THSD7A: variants seen among roughly 807,000 people sequenced by gnomAD.
The protein encoded by THSD7A is thrombospondin type 1 domain containing 7A, also known as thrombospondin type-1 domain-containing protein 7A.
A neutral mutation model predicts 231.3 loss-of-function variants in THSD7A; 96 were observed. The ratio of observed to expected loss-of-function variants is 0.41; its 90% CI spans 0.35 to 0.49. The LOEUF (loss-of-function observed/expected upper bound fraction) is 0.49. Among genes scored for constraint, THSD7A ranks in the 20% least tolerant of loss-of-function variants. The pLI is 0.05. For missense variants in THSD7A, 2,290 were observed against 2,070.2 expected (o/e 1.11, Z -2.06); for synonymous variants, 940 against 743.3 (o/e 1.26, Z -4.30).
chr7:11,742,780 G>C (rs1178428520), intron 1 of THSD7A, among the ~76,000 whole-genome samples: 1 of 151,874 alleles, frequency 6.6e-6, no homozygotes, highest in Non-Finnish European at 1.5e-5. Context: ...AGATCAGACA[G>C]AGGAAGCCAT....
chr7:11,473,676 C>T (rs1174633781), intron 8 of THSD7A, among the ~76,000 whole-genome samples: 1 of 152,122 alleles, frequency 6.6e-6, no homozygotes, highest in Admixed American at 6.6e-5. Flanking sequence ...TCACAAGGCA[C>T]ATATAATATG....
chr7:11,529,042 G>C (rs2354951), intron 6 of THSD7A, among the ~76,000 whole-genome samples: 59,224 of 151,942 alleles, frequency 0.39, 11,934 homozygotes, highest in East Asian at 0.45. Context: ...AAACAGAAAA[G>C]TACGATTCTA....
intron 9 of THSD7A, 48 bp downstream of exon 9, chr7:11,469,831 C>G (rs2285743): frequency 3.0e-6 from 4 of 1,320,380 alleles, no homozygotes; most frequent in Non-Finnish European, 4.3e-6. Flanking sequence ...AGAAGTCTAC[C>G]GAGGAGGTTT....
rs180770633 is a variant in THSD7A, at chr7:11,443,661, A to G, written c.3064+2400T>C. ...ACAATAAAATTTATTTTTTAATAAAAAGGATCTGGAGATTGATTGCCCAAC... is the reference window on the plus strand; with the variant it reads ...ACAATAAAATTTATTTTTTAATAAAGAGGATCTGGAGATTGATTGCCCAAC... On this transcript the variant is annotated intron_variant, in intron 13 of 27. Transcript: ENST00000423059. Among the ~76,000 whole-genome samples the G allele has an allele frequency of 5.8e-3, 882 of 152,092 alleles. 6 individuals are homozygous for G. The highest frequency in any genetic ancestry group is 9.6e-3 in the Admixed American group (147 of 15,246).
intron 23 of THSD7A, among the ~76,000 whole-genome samples, chr7:11,398,121 G>A (rs6954956): frequency 6.6e-6 from 1 of 151,852 alleles, no homozygotes; most frequent in South Asian, 2.1e-4. Flanking sequence ...CAATAGCGAA[G>A]ACTTGGAACC....
chr7:11,533,619 C>T (rs886885331), intron 6 of THSD7A, among the ~76,000 whole-genome samples: 21 of 152,112 alleles, frequency 1.4e-4, no homozygotes, highest in Admixed American at 1.0e-3. Flanking sequence ...AAGCTATCAT[C>T]CTTGGCAAAT....
chr7:11,686,510 A>G (rs1780057064), intron 1 of THSD7A, among the ~76,000 whole-genome samples: 1 of 151,884 alleles, frequency 6.6e-6, no homozygotes, highest in Non-Finnish European at 1.5e-5. Context: ...CAACCTGCCA[A>G]TGGTCTTTAA....
chr7:11,755,677 A>T (rs1782650261), intron 1 of THSD7A, among the ~76,000 whole-genome samples: 3 of 152,102 alleles, frequency 2.0e-5, no homozygotes, highest in Admixed American at 1.3e-4. Context: ...GTTGAGCAGA[A>T]AGTCTTGGCT....
At chr7:11,511,274 A>G (rs1480316764) in intron 6 of THSD7A, among the ~76,000 whole-genome samples, 1 of 152,154 alleles carries the variant, frequency 6.6e-6, no homozygotes, top group Non-Finnish European at 1.5e-5. Context: ...CTGCTCAACG[A>G]AATAAAAGAG....
rs149815589 is a variant in THSD7A at position 11,608,217 on chromosome 7, C to A, written c.1023-14715G>T. Among the ~76,000 whole-genome samples, 693 of 152,188 alleles carry A rather than the reference C, an allele frequency of 4.6e-3. 2 individuals are homozygous for A. Among genetic ancestry groups the A allele is most frequent in the African/African-American group, 6.2e-3 (257 of 41,534 alleles). On this transcript the variant is annotated intron_variant, in intron 2 of 27. Transcript: ENST00000423059. ...ATGCTAAGTGGCATGATTGATTTTC[C>A]TAATTTGTTTCATCAAAGCTATTTT...
chr7:11,456,863 A>G (rs1014128479), intron 11 of THSD7A, among the ~76,000 whole-genome samples: 1 of 152,064 alleles, frequency 6.6e-6, no homozygotes, highest in Non-Finnish European at 1.5e-5. Flanking sequence ...TAGATTGATA[A>G]AAGTCATGAA....
At chr7:11,676,394 A>G (rs1313218288) in intron 1 of THSD7A, among the ~76,000 whole-genome samples, 7 of 152,158 alleles carry the variant, frequency 4.6e-5, no homozygotes, top group Admixed American at 2.6e-4. Flanking sequence ...CAGCAAGAGA[A>G]CAAAACTGGA....
At chr7:11,425,788 A>AGG (rs1784300877) in intron 15 of THSD7A, among the ~76,000 whole-genome samples, 1 of 148,702 alleles carries the variant, frequency 6.7e-6, no homozygotes, top group African/African-American at 2.5e-5. Context: ...ACAGAGAGCA[A>AGG]GAGAGAGAGA....
chr7:11,477,361 A>G (rs1235079047), intron 7 of THSD7A, among the ~76,000 whole-genome samples: 6 of 152,168 alleles, frequency 3.9e-5, no homozygotes, highest in Admixed American at 2.6e-4. Flanking sequence ...GTTATTACAG[A>G]AATGATATCG....
chr7:11,788,630 C>T (rs1216244707), intron 1 of THSD7A, among the ~76,000 whole-genome samples: 4 of 152,034 alleles, frequency 2.6e-5, no homozygotes, highest in Non-Finnish European at 5.9e-5. Context: ...TCAACAAAGT[C>T]ATTCAATGTA....
At chr7:11,448,305 A>G (rs1785040495) in intron 11 of THSD7A, among the ~76,000 whole-genome samples, 1 of 152,156 alleles carries the variant, frequency 6.6e-6, no homozygotes, top group Admixed American at 6.6e-5. Flanking sequence ...GTCTTAAAGA[A>G]AAAGAGCAAG....
chr7:11,464,247 A>G (rs1785614053), intron 9 of THSD7A, among the ~76,000 whole-genome samples: 1 of 151,828 alleles, frequency 6.6e-6, no homozygotes, highest in Non-Finnish European at 1.5e-5. Flanking sequence ...TTGTTTTTTA[A>G]TGGGGAGGTA....
chr7:11,402,960 G>C (rs1207353677), intron 22 of THSD7A, among the ~76,000 whole-genome samples: 1 of 152,024 alleles, frequency 6.6e-6, no homozygotes, highest in Non-Finnish European at 1.5e-5. Flanking sequence ...ATTTCTGTTG[G>C]GTATGTACCT....
intron 2 of THSD7A, among the ~76,000 whole-genome samples, chr7:11,628,531 C>G (rs757636557): frequency 7.3e-5 from 11 of 151,138 alleles, no homozygotes; most frequent in Non-Finnish European, 4.4e-5. Context: ...CTCATTATCT[C>G]TGTTGTTATC....
Sources: allele counts gnomAD v4.1 joint callset (sites outside exome capture counted in the v4.1 genomes callset), GRCh38; gene constraint gnomAD v4.1.1; transcripts MANE v1.5; gene names NCBI Gene and HGNC (gene_info 2026-07-23, HGNC 2026-07-21).